PACC1: variants seen among roughly 807,000 people sequenced by gnomAD.
PACC1 encodes proton-activated chloride channel.
Under a neutral mutation model 39.7 loss-of-function variants are expected in PACC1, and 34 were observed. That is an observed-to-expected ratio of 0.86 (90% confidence interval 0.65 to 1.14). PACC1 has a LOEUF of 1.14. Ranked by LOEUF, PACC1 falls within the 50% of genes most tolerant of loss-of-function variation. The pLI is 0.00. For missense variants in PACC1, 379 were observed against 436.4 expected, an observed-to-expected ratio of 0.87 and a Z score of 1.17; for synonymous variants, 127 against 160.6, an observed-to-expected ratio of 0.79 and a Z score of 1.58.
chr1:212,372,995 A>G (rs1261213597), intron 7 of PACC1, among the ~76,000 whole-genome samples: 1 of 152,190 alleles, frequency 6.6e-6, no homozygotes, highest in African/African-American at 2.4e-5. Flanking sequence ...TTACAGAAGT[A>G]GAAAAAAAAT....
chr1:212,375,765 A>G (rs2102477546), intron 6 of PACC1, among the ~76,000 whole-genome samples: 1 of 151,636 alleles, frequency 6.6e-6, no homozygotes, highest in Admixed American at 6.6e-5. Flanking sequence ...GGCGCCTGCA[A>G]TCCCAGCTAC....
intron 7 of PACC1, among the ~76,000 whole-genome samples, chr1:212,369,009 G>C (rs1350715208): frequency 6.8e-6 from 1 of 146,166 alleles, no homozygotes; most frequent in Non-Finnish European, 1.5e-5. Context: ...CTGGGTGACA[G>C]GGTGAGACTC....
At chr1:212,385,146 C>A (rs1661050589) in intron 4 of PACC1, 128 bp downstream of exon 4, 1 of 1,074,326 alleles carries the variant, frequency 9.3e-7, no homozygotes, top group Middle Eastern at 3.2e-4. Flanking sequence ...CCGCATGTCT[C>A]CTTGGGGACT....
intron 2 of PACC1, 24 bp from the exon 3 acceptor site, chr1:212,387,124 G>C (rs776443188): frequency 6.2e-7 from 1 of 1,611,478 alleles, no homozygotes; most frequent in South Asian, 1.1e-5. Context: ...AACACCATGT[G>C]ACCCAGGGCA....
intron 4 of PACC1, among the ~76,000 whole-genome samples, chr1:212,382,018 T>C (rs1571645353): frequency 6.6e-6 from 1 of 150,950 alleles, no homozygotes. Flanking sequence ...AATACACAAT[T>C]TGTTAGCTGA....
chr1:212,394,574 A>G (rs1318069893), intron 2 of PACC1, among the ~76,000 whole-genome samples: 2 of 152,188 alleles, frequency 1.3e-5, no homozygotes, highest in Non-Finnish European at 2.9e-5. Flanking sequence ...TAGTGTTGGA[A>G]GTTCTGGCCA....
At chr1:212,414,021 T>G in intron 1 of PACC1, 1 of 1,535,712 alleles carries the variant, frequency 6.5e-7, no homozygotes, top group South Asian at 1.2e-5. Context: ...GCAGTTTCAC[T>G]AATACAGCTG....
In PACC1 at chr1:212,414,157, G is replaced by A. The variant is rs559066627; in HGVS notation, c.36+565C>T. The A allele has an allele frequency of 2.2e-4, 316 of 1,414,238 alleles. No individual in the cohort carries two copies. The African/African-American group carries it at 4.0e-3, about 18-fold the overall frequency. 87.6% of individuals were successfully genotyped at this position (1,414,238 alleles called of 1,614,324 possible). A position where few individuals can be genotyped will look rare whatever the true frequency, so the allele number is the denominator to read the frequency against. On this transcript the variant is annotated intron_variant, in intron 1 of 7. Transcript: ENST00000261455. ...GGGAGGAGGTGAGACTGGAGGGAGA[G>A]ACGAAGAGGAGCGAGAACTAGCAGA...
Position 212,410,630 on chromosome 1 carries a change from C to T in PACC1, c.37-109G>A, listed in dbSNP as rs1184704228. ...CTTGTCACTTAATTGTCACCAAAAA[C>T]CACATGACATAGAGTGTGTTACAGC... On this transcript the variant is annotated intron_variant, in intron 1 of 7. Transcript: ENST00000261455. 3.2e-5 allele frequency: 31 copies of T among 975,778 alleles called. No individual in the cohort carries two copies. In the East Asian group the frequency reaches 7.4e-4, roughly 23 times the overall value. 60.4% of individuals were successfully genotyped at this position (975,778 alleles called of 1,614,324 possible). A position where few individuals can be genotyped will look rare whatever the true frequency, so the allele number is the denominator to read the frequency against.
chr1:212,385,177 TG>T, intron 4 of PACC1, 96 bp downstream of exon 4: 1 of 1,401,730 alleles, frequency 7.1e-7, no homozygotes. Flanking sequence ...ACTGAGTGAG[TG>T]GAAGAAGGAC....
chr1:212,369,739 C>T (rs542416722), intron 7 of PACC1, among the ~76,000 whole-genome samples: 1 of 150,652 alleles, frequency 6.6e-6, no homozygotes, highest in African/African-American at 2.4e-5. Context: ...CAAGATCATG[C>T]CACTGCACTC....
chr1:212,396,789 GA>G (rs1330459176), intron 2 of PACC1, among the ~76,000 whole-genome samples: 15 of 133,084 alleles, frequency 1.1e-4, no homozygotes, highest in Non-Finnish European at 1.8e-4. Flanking sequence ...GGCAGTGAGG[GA>G]AAAAAATATC....
intron 2 of PACC1, among the ~76,000 whole-genome samples, chr1:212,399,453 A>T (rs1455199994): frequency 6.6e-6 from 1 of 152,190 alleles, no homozygotes; most frequent in Non-Finnish European, 1.5e-5. Flanking sequence ...CAAGTAGAGA[A>T]GTCTGAAACA....
At chr1:212,371,719 A>C (rs1034596935) in intron 7 of PACC1, among the ~76,000 whole-genome samples, 1 of 152,208 alleles carries the variant, frequency 6.6e-6, no homozygotes, top group African/African-American at 2.4e-5. Context: ...ACAAAGACAC[A>C]ACAAAAAATG....
chr1:212,369,733 A>G (rs1017801185), intron 7 of PACC1, among the ~76,000 whole-genome samples: 5 of 151,154 alleles, frequency 3.3e-5, no homozygotes, highest in Middle Eastern at 3.2e-3. Flanking sequence ...GTGAGCCAAG[A>G]TCATGCCACT....
At chr1:212,367,060 C>A (rs1027937248) in intron 7 of PACC1, among the ~76,000 whole-genome samples, 1 of 152,198 alleles carries the variant, frequency 6.6e-6, no homozygotes. Context: ...TTTAGCAAAG[C>A]TGTCCAATTA....
intron 4 of PACC1, among the ~76,000 whole-genome samples, chr1:212,382,552 C>T (rs1034912623): frequency 2.6e-5 from 4 of 152,110 alleles, no homozygotes; most frequent in South Asian, 2.1e-4. Context: ...AGCAAAATTC[C>T]GAAGATTTTA....
chr1:212,372,005 C>A (rs2102470565), intron 7 of PACC1, among the ~76,000 whole-genome samples: 1 of 152,120 alleles, frequency 6.6e-6, no homozygotes, highest in Middle Eastern at 3.4e-3. Context: ...TCTCAATGTG[C>A]CGGATATGGT....
intron 7 of PACC1, among the ~76,000 whole-genome samples, chr1:212,369,705 C>T (rs537824075): frequency 4.0e-5 from 6 of 150,386 alleles, no homozygotes; most frequent in South Asian, 4.2e-4. Flanking sequence ...CACTTGAACC[C>T]GGGAGGTGGA....
Sources: gnomAD v4.1 joint callset for allele counts (sites outside exome capture counted in the v4.1 genomes callset) on GRCh38, gnomAD v4.1.1 for gene constraint, MANE v1.5 for transcripts, NCBI Gene and HGNC (gene_info 2026-07-23, HGNC 2026-07-21) for gene names.